RNF180: variants seen among roughly 807,000 people sequenced by gnomAD.
The protein encoded by RNF180 is E3 ubiquitin-protein ligase RNF180.
Under a neutral mutation model 59.2 loss-of-function variants are expected in RNF180, and 38 were observed. The observed-to-expected ratio is 0.64, with a 90% confidence interval of 0.50 to 0.84. RNF180 has a LOEUF of 0.84. Ranked by LOEUF, RNF180 falls within the 40% of genes least tolerant of loss-of-function variation. RNF180 has a pLI of 0.00. For synonymous variants in RNF180, 262 were observed against 240.3 expected (o/e 1.09, Z -0.84); for missense variants, 705 against 700.9 (o/e 1.01, Z -0.07).
intron 5 of RNF180, among the ~76,000 whole-genome samples, chr5:64,283,298 CT>C (rs1424479650): frequency 6.6e-6 from 1 of 151,852 alleles, no homozygotes; most frequent in Admixed American, 6.6e-5. Flanking sequence ...GTTTTATCTG[CT>C]TTTTTTGTGT....
intron 5 of RNF180, among the ~76,000 whole-genome samples, chr5:64,228,573 G>A (rs1448634404): frequency 1.3e-5 from 2 of 152,068 alleles, no homozygotes; most frequent in African/African-American, 4.8e-5. Context: ...GAAGGAGAAT[G>A]TAATCTGGAA....
intron 5 of RNF180, among the ~76,000 whole-genome samples, chr5:64,279,740 A>G (rs1741910237): frequency 6.6e-6 from 1 of 152,220 alleles, no homozygotes; most frequent in African/African-American, 2.4e-5. Flanking sequence ...ACTACATCCT[A>G]TGATGAGTTA....
At chr5:64,220,971 A>G (rs192873192) in intron 5 of RNF180, among the ~76,000 whole-genome samples, 161 of 152,234 alleles carry the variant, frequency 1.1e-3, no homozygotes, top group African/African-American at 3.7e-3. Context: ...AATAAATTAT[A>G]TTAAAGACCT....
intron 6 of RNF180, among the ~76,000 whole-genome samples, chr5:64,327,782 G>A (rs1172851398): frequency 2.6e-5 from 4 of 152,280 alleles, no homozygotes; most frequent in African/African-American, 9.6e-5. Context: ...TGTCTGCTAA[G>A]TCCATTGGGT....
intron 1 of RNF180, among the ~76,000 whole-genome samples, chr5:64,186,090 G>T (rs910017524): frequency 6.6e-6 from 1 of 152,044 alleles, no homozygotes; most frequent in Admixed American, 6.6e-5. Context: ...TTTTGGAGCC[G>T]TATCTTTTGA....
At chr5:64,229,902 A>G (rs557029529) in intron 5 of RNF180, among the ~76,000 whole-genome samples, 2 of 152,348 alleles carry the variant, frequency 1.3e-5, no homozygotes, top group South Asian at 4.1e-4. Context: ...CTTGGGTTTG[A>G]TAAATCATCC....
At chr5:64,225,892 C>T (rs1246590461) in intron 5 of RNF180, among the ~76,000 whole-genome samples, 28 of 141,568 alleles carry the variant, frequency 2.0e-4, no homozygotes, top group Admixed American at 3.6e-4. Flanking sequence ...AGTGCCTCTG[C>T]CCGGCCACCC....
intron 5 of RNF180, among the ~76,000 whole-genome samples, chr5:64,308,675 C>T (rs1206794603): frequency 6.6e-6 from 1 of 151,592 alleles, no homozygotes; most frequent in African/African-American, 2.4e-5. Context: ...CTATTTTACT[C>T]CCACCTTGCT....
chr5:64,255,807 T>G (rs1247633106), intron 5 of RNF180, among the ~76,000 whole-genome samples: 3 of 152,210 alleles, frequency 2.0e-5, no homozygotes, highest in South Asian at 2.1e-4. Context: ...CTAGTTTACA[T>G]TCCCACAAAC....
intron 5 of RNF180, among the ~76,000 whole-genome samples, chr5:64,226,785 G>A (rs1394072126): frequency 6.6e-6 from 1 of 152,162 alleles, no homozygotes; most frequent in Non-Finnish European, 1.5e-5. Context: ...ATACAAGCCT[G>A]GGGTAAATAA....
intron 5 of RNF180, among the ~76,000 whole-genome samples, chr5:64,253,362 T>A (rs1743706897): frequency 6.6e-6 from 1 of 150,860 alleles, no homozygotes; most frequent in Admixed American, 6.6e-5. Context: ...ATTGTTTATA[T>A]CCCTCTTGTC....
intron 1 of RNF180, among the ~76,000 whole-genome samples, chr5:64,195,310 T>G (rs900498341): frequency 6.6e-6 from 1 of 152,164 alleles, no homozygotes; most frequent in African/African-American, 2.4e-5. Context: ...CCAAGCATAT[T>G]TACTAATATA....
intron 5 of RNF180, among the ~76,000 whole-genome samples, chr5:64,220,940 A>T (rs1214217126): frequency 6.6e-6 from 1 of 152,124 alleles, no homozygotes. Context: ...TGTGATTTAG[A>T]CACTACGCAT....
At chr5:64,181,863 C>T (rs1042867359) in intron 1 of RNF180, among the ~76,000 whole-genome samples, 2 of 152,068 alleles carry the variant, frequency 1.3e-5, no homozygotes, top group African/African-American at 4.8e-5. Context: ...CAGTAGTGCT[C>T]AATCTGTGTT....
rs1403179093 is a variant in RNF180, at chr5:64,371,213, A to G, written c.*1399A>G. On this transcript the variant is annotated 3_prime_UTR_variant, in exon 8 of 8. Transcript: ENST00000389100. Reference sequence around the variant, plus strand: ...AGAAAATAGTATACACTAGACATCAAATCCAGAAATCAGAACACTAAGTAC... The same window carrying G: ...AGAAAATAGTATACACTAGACATCAGATCCAGAAATCAGAACACTAAGTAC... 1.3e-5 allele frequency: 2 copies of G among 151,688 alleles called. No homozygotes were observed. Among genetic ancestry groups the G allele is most frequent in the Non-Finnish European group, 3.0e-5 (2 of 67,716 alleles). 9.4% of individuals were successfully genotyped at this position (151,688 alleles called of 1,614,324 possible).
intron 1 of RNF180, among the ~76,000 whole-genome samples, chr5:64,194,603 T>G (rs569520273): frequency 1.1e-4 from 16 of 152,350 alleles, no homozygotes; most frequent in African/African-American, 3.8e-4. Flanking sequence ...ATGGTTGAAC[T>G]AGTTTACAGT....
At chr5:64,247,282 GAAAT>G (rs1360322007) in intron 5 of RNF180, among the ~76,000 whole-genome samples, 3 of 152,176 alleles carry the variant, frequency 2.0e-5, no homozygotes, top group Non-Finnish European at 4.4e-5. Flanking sequence ...GCAAGGGAAA[GAAAT>G]AAAGAGTGTT....
chr5:64,348,123 A>G (rs763077162), intron 7 of RNF180, among the ~76,000 whole-genome samples: 11 of 152,212 alleles, frequency 7.2e-5, no homozygotes, highest in Non-Finnish European at 1.5e-4. Context: ...TATATAAATA[A>G]TAGATTTTAT....
chr5:64,338,485 A>G lies in RNF180; in HGVS notation c.1579+8079A>G, dbSNP rs545619345. On this transcript the variant is annotated intron_variant, in intron 7 of 7. Transcript: ENST00000389100. Reference sequence around the variant, plus strand: ...CCGTCTCTACTAAAAATACAAAAAAATTAGCCTGGCGTGGTGGCGGGTGCC... The same window carrying G: ...CCGTCTCTACTAAAAATACAAAAAAGTTAGCCTGGCGTGGTGGCGGGTGCC... 1.1e-4 allele frequency among the ~76,000 whole-genome samples: 16 copies of G among 152,120 alleles called. 2 individuals are homozygous for G. Among genetic ancestry groups the G allele is most frequent in the African/African-American group, 3.9e-4 (16 of 41,502 alleles).
Sources: allele counts gnomAD v4.1 joint callset (sites outside exome capture counted in the v4.1 genomes callset), GRCh38; gene constraint gnomAD v4.1.1; transcripts MANE v1.5; gene names NCBI Gene and HGNC (gene_info 2026-07-23, HGNC 2026-07-21).